Variants in NXN observed in about 807,000 individuals in gnomAD.
The protein encoded by NXN is nucleoredoxin 1.
Under a neutral mutation model 48.6 loss-of-function variants are expected in NXN, and 16 were observed. The ratio of observed to expected loss-of-function variants is 0.33; its 90% CI spans 0.22 to 0.50. NXN has a LOEUF of 0.50. NXN is among the 20% of genes least tolerant of loss of function. The probability of loss-of-function intolerance (pLI) is 0.98; values close to 1 mark genes in which losing one functional copy is unlikely to be tolerated. For synonymous variants in NXN, 281 were observed against 269.6 expected (o/e 1.04, Z -0.41); for missense variants, 492 against 605.5 (o/e 0.81, Z 1.97).
chr17:808,692 T>TG (rs1911731992), intron 5 of NXN, among the ~76,000 whole-genome samples: 1 of 150,902 alleles, frequency 6.6e-6, no homozygotes, highest in Non-Finnish European at 1.5e-5. Context: ...TTTTTTTTTT[T>TG]GAGACAGAGT....
intron 1 of NXN, among the ~76,000 whole-genome samples, chr17:840,946 C>T (rs1477840991): frequency 6.6e-6 from 1 of 152,230 alleles, no homozygotes; most frequent in African/African-American, 2.4e-5. Context: ...TGTGTTCTGG[C>T]AGCCCCCACT....
chr17:802,283 G>A (rs1911250547), intron 7 of NXN, among the ~76,000 whole-genome samples: 3 of 152,230 alleles, frequency 2.0e-5, no homozygotes, highest in Non-Finnish European at 4.4e-5. Context: ...CACCATGCCT[G>A]GCTAATTTTT....
chr17:813,193 G>A (rs564464311), intron 5 of NXN, among the ~76,000 whole-genome samples: 1 of 152,370 alleles, frequency 6.6e-6, no homozygotes, highest in South Asian at 2.1e-4. Context: ...GCTTATGAAC[G>A]AATGCACAGT....
intron 1 of NXN, among the ~76,000 whole-genome samples, chr17:967,728 T>A (rs983827299): frequency 2.6e-5 from 4 of 152,204 alleles, no homozygotes; most frequent in African/African-American, 7.2e-5. Context: ...TCCCAGCACT[T>A]TGGGAGGCCG....
chr17:863,785 T>C (rs2068065873), intron 1 of NXN: 2 of 646,308 alleles, frequency 3.1e-6, no homozygotes, highest in Admixed American at 2.5e-5. Context: ...TTGATTCACA[T>C]CTGGTTGAAA....
chr17:813,300 G>A (rs927343770), intron 5 of NXN, among the ~76,000 whole-genome samples: 1 of 152,238 alleles, frequency 6.6e-6, no homozygotes, highest in African/African-American at 2.4e-5. Context: ...AGTCTAGGGA[G>A]GGTGGCTGGC....
At chr17:891,611 GA>G (rs1276891724) in intron 1 of NXN, among the ~76,000 whole-genome samples, 4 of 152,214 alleles carry the variant, frequency 2.6e-5, no homozygotes, top group African/African-American at 9.7e-5. Flanking sequence ...CAACACGGGG[GA>G]CCTCAACCCA....
At position 971,924 on chromosome 17, in the gene NXN, T is replaced by G. The variant is rs538744431; in HGVS notation, c.360+7395A>C. On this transcript the variant is annotated intron_variant, in intron 1 of 7. Transcript: ENST00000336868. ...AGCTCACGCTGTGATCCCAGCACTT[T>G]GGAAGCCGAGGCGGGTGGATCACCT... Among the ~76,000 whole-genome samples, 4 of 152,156 alleles carry G rather than the reference T, an allele frequency of 2.6e-5. No homozygotes were observed. The South Asian group carries it at 8.3e-4, about 32-fold the overall frequency.
chr17:883,689 T>C (rs2068310417), intron 1 of NXN, among the ~76,000 whole-genome samples: 1 of 152,206 alleles, frequency 6.6e-6, no homozygotes, highest in African/African-American at 2.4e-5. Context: ...CACGGTCCCA[T>C]CATATACAGA....
chr17:837,027 G>A (rs1170047800), intron 1 of NXN, among the ~76,000 whole-genome samples: 1 of 150,078 alleles, frequency 6.7e-6, no homozygotes, highest in Non-Finnish European at 1.5e-5. Flanking sequence ...CGCCCAGGCT[G>A]GAGAGCAGTG....
intron 1 of NXN, chr17:911,101 T>C (rs901334963): frequency 5.3e-5 from 8 of 152,158 alleles, no homozygotes; most frequent in African/African-American, 1.9e-4. Context: ...TTTTATTGCT[T>C]TGCACTTGAT....
chr17:823,740 T>C lies in NXN; in HGVS notation c.504A>G (p.Lys168=). ...GCCCTGCAATGACTTCCCTGAAGGG[T>C]TTCGGTCCCCAGGGGAACTCCAGAC... ...PEGLEFPWGP[K]PFREVIAGPL... Residue 168 remains lysine (K), a synonymous_variant, in exon 3 of 8, where the codon AAA becomes AAG. Coordinates refer to ENST00000336868, the MANE Select transcript of NXN (RefSeq NM_022463.5). 6.2e-7 allele frequency: 1 copy of C among 1,613,940 alleles called. No individual in the cohort carries two copies.
intron 1 of NXN, among the ~76,000 whole-genome samples, chr17:895,810 A>AAAACAAAC (rs143961876): frequency 1.9e-4 from 26 of 139,856 alleles, no homozygotes; most frequent in Non-Finnish European, 2.3e-4. Flanking sequence ...GTTTGTCTCA[A>AAAACAAAC]AAACAAACAA....
intron 1 of NXN, among the ~76,000 whole-genome samples, chr17:840,210 A>G (rs1233031543): frequency 6.6e-6 from 1 of 152,156 alleles, no homozygotes. Flanking sequence ...GCAGGCTCCC[A>G]TTCTGGTGGA....
intron 1 of NXN, among the ~76,000 whole-genome samples, chr17:871,051 C>T (rs1014437543): frequency 2.6e-5 from 4 of 151,964 alleles, no homozygotes; most frequent in Non-Finnish European, 2.9e-5. Flanking sequence ...TTAGTAGAGA[C>T]GGGGTTTCAC....
chr17:906,572 GTTT>G (rs150140562), intron 1 of NXN, among the ~76,000 whole-genome samples: 85,020 of 145,808 alleles, frequency 0.58, 25,018 homozygotes, highest in Middle Eastern at 0.7. Context: ...TGGTTTCTGG[GTTT>G]TTTTTTTTTT....
At chr17:805,020 T>TGC in intron 6 of NXN, 48 bp downstream of exon 6, 215 of 1,512,396 alleles carry the variant, frequency 1.4e-4, no homozygotes, top group Non-Finnish European at 1.6e-4. Context: ...GCCCCTCCTG[T>TGC]CCCGCCCCCC....
At chr17:929,766 G>A (rs936856744) in intron 1 of NXN, 8 of 151,976 alleles carry the variant, frequency 5.3e-5, no homozygotes, top group African/African-American at 1.9e-4. Context: ...TGGAAAGAGC[G>A]TTTGGAATCC....
chr17:894,619 C>T (rs532400559), intron 1 of NXN, among the ~76,000 whole-genome samples: 34 of 149,874 alleles, frequency 2.3e-4, no homozygotes, highest in Non-Finnish European at 3.1e-4. Context: ...GCATCTCAAA[C>T]GCCCTGGAAG....
Sources: allele counts gnomAD v4.1 joint callset (sites outside exome capture counted in the v4.1 genomes callset), GRCh38; gene constraint gnomAD v4.1.1; transcripts MANE v1.5; gene names NCBI Gene and HGNC (gene_info 2026-07-23, HGNC 2026-07-21).